The following JAK1 variants were observed in gnomAD, a reference collection of about 807,000 sequenced individuals.
JAK1 encodes tyrosine-protein kinase JAK1.
JAK1 carries 16 observed loss-of-function variants against 136.6 expected under a neutral mutation model. The observed-to-expected ratio is 0.12, with a 90% CI of 0.08 to 0.18. The LOEUF (loss-of-function observed/expected upper bound fraction) is 0.18, where lower values mean the gene tolerates loss of function less well. Ranked by LOEUF, JAK1 falls within the 10% of genes least tolerant of loss-of-function variation. The pLI is 1.00. For synonymous variants in JAK1, 492 were observed against 519.5 expected, an observed-to-expected ratio of 0.95 and a Z score of 0.72; for missense variants, 859 against 1,450.1, an observed-to-expected ratio of 0.59 and a Z score of 6.62.
intron 1 of JAK1, among the ~76,000 whole-genome samples, chr1:65,047,278 T>G (rs1314497209): frequency 6.6e-6 from 1 of 152,184 alleles, no homozygotes; most frequent in East Asian, 1.9e-4. Flanking sequence ...TAAAAATAAC[T>G]ACTTCCCCTT....
intron 17 of JAK1, among the ~76,000 whole-genome samples, chr1:64,843,339 A>G (rs1655027734): frequency 6.6e-6 from 1 of 152,150 alleles, no homozygotes; most frequent in African/African-American, 2.4e-5. Context: ...AGATGAAGGG[A>G]CAATGGTCTT....
chr1:64,869,576 G>A (rs551790795), intron 5 of JAK1, 102 bp from the exon 6 acceptor site: 11 of 867,154 alleles, frequency 1.3e-5, no homozygotes, highest in African/African-American at 6.7e-5. Context: ...GCACAGCAAC[G>A]AGACGAATCA....
At chr1:65,049,596 A>C (rs1647229906) in intron 1 of JAK1, among the ~76,000 whole-genome samples, 1 of 152,050 alleles carries the variant, frequency 6.6e-6, no homozygotes, top group Non-Finnish European at 1.5e-5. Context: ...TCCATATTCT[A>C]ACTCACTCCT....
intron 2 of JAK1, among the ~76,000 whole-genome samples, chr1:65,014,649 G>A (rs1646877372): frequency 6.6e-6 from 1 of 151,764 alleles, no homozygotes; most frequent in Admixed American, 6.6e-5. Flanking sequence ...CACACTCCAT[G>A]GGTTGAAAGA....
intron 2 of JAK1, among the ~76,000 whole-genome samples, chr1:65,010,721 C>G (rs1338358466): frequency 3.3e-5 from 5 of 152,176 alleles, no homozygotes; most frequent in Non-Finnish European, 7.3e-5. Flanking sequence ...TGGCTTACAC[C>G]TGTAATCCGA....
At chr1:64,858,824 T>C (rs1443909265) in intron 9 of JAK1, among the ~76,000 whole-genome samples, 2 of 152,040 alleles carry the variant, frequency 1.3e-5, no homozygotes, top group Non-Finnish European at 2.9e-5. Flanking sequence ...GTGGCCAACA[T>C]GTATGGGATG....
upstream of JAK1, among the ~76,000 whole-genome samples, chr1:64,970,667 G>A (rs113860638): frequency 0.051 from 7,784 of 151,914 alleles, 284 homozygotes; most frequent in South Asian, 0.11. Context: ...GAGAGGCTGA[G>A]GCACGAGAAC....
chr1:64,849,473 GGTGTGAGCCACT>G (rs1167556285), intron 12 of JAK1, among the ~76,000 whole-genome samples: 1 of 152,242 alleles, frequency 6.6e-6, no homozygotes, highest in East Asian at 1.9e-4. Context: ...TGGGACGACA[GGTGTGAGCCACT>G]GTGTGAGCCG....
At chr1:64,953,605 T>A (rs1331293344) in intron 1 of JAK1, among the ~76,000 whole-genome samples, 1 of 152,168 alleles carries the variant, frequency 6.6e-6, no homozygotes, top group Admixed American at 6.5e-5. Flanking sequence ...CCAAACTTAC[T>A]TTAGGACAGC....
At chr1:64,954,762 G>A (rs148297958) in intron 1 of JAK1, among the ~76,000 whole-genome samples, 14 of 152,302 alleles carry the variant, frequency 9.2e-5, no homozygotes, top group East Asian at 1.9e-4. Flanking sequence ...CAAGTAATCC[G>A]ATGAGGAGAC....
intron 2 of JAK1, among the ~76,000 whole-genome samples, chr1:65,039,730 T>C (rs780797060): frequency 6.6e-6 from 1 of 152,172 alleles, no homozygotes; most frequent in Non-Finnish European, 1.5e-5. Flanking sequence ...GAAAGGTATT[T>C]TTGGATGCTG....
chr1:64,891,303 C>T (rs1231903053), intron 1 of JAK1, among the ~76,000 whole-genome samples: 2 of 152,208 alleles, frequency 1.3e-5, no homozygotes, highest in African/African-American at 4.8e-5. Context: ...GCTCGTTCCA[C>T]AGTGGGGAAG....
At chr1:64,971,216 C>G (rs1405899784), upstream of JAK1, among the ~76,000 whole-genome samples, 1 of 152,166 alleles carries the variant, frequency 6.6e-6, no homozygotes, top group Non-Finnish European at 1.5e-5. Flanking sequence ...TTCCCATTAT[C>G]TTTTTCCACG....
At chr1:64,838,315 G>A (rs1338409385) in intron 21 of JAK1, 150 bp downstream of exon 21, 1 of 896,692 alleles carries the variant, frequency 1.1e-6, no homozygotes, top group African/African-American at 1.7e-5. Flanking sequence ...TACTTTCTTA[G>A]TAGAAGCTAA....
intron 1 of JAK1, among the ~76,000 whole-genome samples, chr1:64,923,169 A>G (rs374581507): frequency 1.3e-5 from 2 of 152,244 alleles, no homozygotes. Context: ...ACCTAGCTCC[A>G]TCAATTGCAG....
rs143929853 is a variant in JAK1, at chr1:65,024,175, C to T, written c.-78+20305G>A. Reference sequence around the variant, plus strand: ...AACTCTATGTTTAATCATTTGAGGACCTGCCAGACTGTTTTCCAAAGTGGC... The same window carrying T: ...AACTCTATGTTTAATCATTTGAGGATCTGCCAGACTGTTTTCCAAAGTGGC... On this transcript the variant is annotated intron_variant, in intron 2 of 25. Coordinates refer to the JAK1 transcript ENST00000671954. Among the ~76,000 whole-genome samples, 510 of 152,128 alleles carry T rather than the reference C, an allele frequency of 3.4e-3. 3 individuals carry two copies. The highest frequency in any genetic ancestry group is 0.01 in the Middle Eastern group (3 of 294).
chr1:65,055,033 A>C (rs141391045), intron 1 of JAK1, among the ~76,000 whole-genome samples: 111 of 152,294 alleles, frequency 7.3e-4, no homozygotes, highest in African/African-American at 2.0e-3. Flanking sequence ...AATACACATA[A>C]AATTTTCCAT....
chr1:65,032,994 G>C (rs550298217), intron 2 of JAK1, among the ~76,000 whole-genome samples: 216 of 152,290 alleles, frequency 1.4e-3, no homozygotes, highest in Non-Finnish European at 2.8e-3. Flanking sequence ...AGCTATTAGC[G>C]AGACTTCCAG....
chr1:64,964,161 A>C (rs1646333043), intron 1 of JAK1, among the ~76,000 whole-genome samples: 1 of 152,260 alleles, frequency 6.6e-6, no homozygotes, highest in Admixed American at 6.5e-5. Context: ...TCCACTTAAA[A>C]TAATGGTTTT....
Sources: allele counts gnomAD v4.1 joint callset (sites outside exome capture counted in the v4.1 genomes callset), GRCh38; gene constraint gnomAD v4.1.1; transcripts MANE v1.5; gene names NCBI Gene and HGNC (gene_info 2026-07-23, HGNC 2026-07-21).